Variants in HECW1 observed in about 807,000 individuals in gnomAD.
HECW1 encodes E3 ubiquitin-protein ligase HECW1.
In HECW1, 61 loss-of-function variants were observed where a neutral mutation model predicts 182.3. That is an observed-to-expected ratio of 0.33 (90% CI 0.27 to 0.41). HECW1 has a LOEUF of 0.41. Among genes scored for constraint, HECW1 ranks in the 10% least tolerant of loss-of-function variants. HECW1 has a pLI of 1.00. For missense variants in HECW1, 1,739 were observed against 2,108.9 expected (o/e 0.82, Z 3.44); for synonymous variants, 859 against 832.6 (o/e 1.03, Z -0.55).
In HECW1 at chr7:43,246,225, C is replaced by T. The variant is rs149168682; in HGVS notation, c.27+2293C>T. Among the ~76,000 whole-genome samples, 386 of 152,264 alleles carry T rather than the reference C, an allele frequency of 2.5e-3. 2 individuals carry two copies. Among genetic ancestry groups the T allele is most frequent in the African/African-American group, 9.0e-3 (374 of 41,544 alleles). ...GGCTGAACAGGGAGAATCGCTTGAG[C>T]CCAGGAGTTCCAGGCTACAGTGAGC... On this transcript the variant is annotated intron_variant, in intron 3 of 29. Coordinates refer to ENST00000395891, the MANE Select transcript of HECW1 (RefSeq NM_015052.5).
chr7:43,422,333 A>G (rs12666458), intron 8 of HECW1, among the ~76,000 whole-genome samples: 36,852 of 150,154 alleles, frequency 0.25, 5,221 homozygotes, highest in East Asian at 0.7. Flanking sequence ...TTTAGAGTAT[A>G]CTTCTCTTTT....
intron 19 of HECW1, among the ~76,000 whole-genome samples, chr7:43,499,821 A>T (rs986349789): frequency 6.6e-6 from 1 of 152,204 alleles, no homozygotes; most frequent in African/African-American, 2.4e-5. Flanking sequence ...GATCCAAAAA[A>T]ATCCTACTTA....
At chr7:43,120,162 G>T (rs1785441307) in intron 2 of HECW1, among the ~76,000 whole-genome samples, 1 of 152,064 alleles carries the variant, frequency 6.6e-6, no homozygotes, top group Admixed American at 6.5e-5. Flanking sequence ...TCCTTACTTT[G>T]CCTACAGGGC....
At chr7:43,353,448 T>C (rs1814706086) in intron 5 of HECW1, among the ~76,000 whole-genome samples, 1 of 152,098 alleles carries the variant, frequency 6.6e-6, no homozygotes, top group Admixed American at 6.6e-5. Flanking sequence ...AAGGGTAGTA[T>C]AGAGGCAAGA....
chr7:43,491,213 ATTAG>A (rs1563050309), intron 17 of HECW1, among the ~76,000 whole-genome samples: 2 of 152,226 alleles, frequency 1.3e-5, no homozygotes, highest in Non-Finnish European at 2.9e-5. Flanking sequence ...GCAGTCAAGT[ATTAG>A]AATCCTGGTT....
chr7:43,427,303 A>G (rs561442098), intron 8 of HECW1, among the ~76,000 whole-genome samples: 23 of 152,282 alleles, frequency 1.5e-4, no homozygotes, highest in African/African-American at 5.3e-4. Flanking sequence ...ACTGCATACT[A>G]TCTTGCAAAT....
intron 19 of HECW1, among the ~76,000 whole-genome samples, chr7:43,495,817 G>A (rs1392394314): frequency 6.6e-6 from 1 of 152,134 alleles, no homozygotes; most frequent in Non-Finnish European, 1.5e-5. Context: ...GAATTTTCAA[G>A]GGATTTCCAG....
At chr7:43,181,809 A>T (rs1438093787) in intron 2 of HECW1, among the ~76,000 whole-genome samples, 3 of 150,492 alleles carry the variant, frequency 2.0e-5, no homozygotes, top group Admixed American at 1.3e-4. Flanking sequence ...TTGTTTTGAG[A>T]TGGAGTCTCA....
intron 3 of HECW1, among the ~76,000 whole-genome samples, chr7:43,298,813 G>A (rs1203429842): frequency 6.6e-6 from 1 of 152,138 alleles, no homozygotes; most frequent in Non-Finnish European, 1.5e-5. Flanking sequence ...CTTACCACGA[G>A]GTGCAGGCTC....
At chr7:43,343,852 A>G (rs544865292) in intron 5 of HECW1, among the ~76,000 whole-genome samples, 1 of 151,768 alleles carries the variant, frequency 6.6e-6, no homozygotes, top group African/African-American at 2.4e-5. Flanking sequence ...ACAATGGTTG[A>G]ATTAGTTTAC....
chr7:43,542,093 A>C (rs2081382116), intron 26 of HECW1, 95 bp downstream of exon 26: 1 of 1,120,514 alleles, frequency 8.9e-7, no homozygotes, highest in Admixed American at 3.1e-5. Flanking sequence ...TTTTAAGTGT[A>C]GACTTCAGTG....
chr7:43,197,544 A>G (rs1794584284), intron 2 of HECW1, among the ~76,000 whole-genome samples: 1 of 152,142 alleles, frequency 6.6e-6, no homozygotes, highest in Non-Finnish European at 1.5e-5. Flanking sequence ...TGCCTCTGCT[A>G]AATAACCTTC....
chr7:43,145,600 A>G (rs990174851), intron 2 of HECW1, among the ~76,000 whole-genome samples: 1 of 152,168 alleles, frequency 6.6e-6, no homozygotes, highest in African/African-American at 2.4e-5. Flanking sequence ...TATCTTCATG[A>G]ACAGCTTCTG....
At chr7:43,129,944 A>T (rs912129723) in intron 2 of HECW1, among the ~76,000 whole-genome samples, 1 of 152,212 alleles carries the variant, frequency 6.6e-6, no homozygotes, top group Non-Finnish European at 1.5e-5. Flanking sequence ...ATGACAAGAA[A>T]AAGTCTGTAC....
chr7:43,192,206 G>T (rs573530989), intron 2 of HECW1, among the ~76,000 whole-genome samples: 2 of 152,218 alleles, frequency 1.3e-5, no homozygotes, highest in East Asian at 1.9e-4. Flanking sequence ...TGATCCACCC[G>T]CCTTGGCTTC....
intron 2 of HECW1, among the ~76,000 whole-genome samples, chr7:43,154,696 G>A (rs944449114): frequency 1.3e-5 from 2 of 152,146 alleles, no homozygotes; most frequent in African/African-American, 2.4e-5. Context: ...TCCAGCACAG[G>A]AAGCAGGAAT....
At chr7:43,117,949 C>T (rs1785204895) in intron 2 of HECW1, 1 of 152,512 alleles carries the variant, frequency 6.6e-6, no homozygotes, top group Non-Finnish European at 1.5e-5. Context: ...ATATGGAGGC[C>T]TGAAAAATAA....
In HECW1 at chr7:43,541,854, A is replaced by G; in HGVS notation, c.4119-15A>G. ...ATTTGTTTGGTAATTTGCCTTTCTC[A>G]CTGAATTCACCCAGGCCCTGTGATT... On this transcript the variant is annotated splice_polypyrimidine_tract_variant and intron_variant, in intron 25 of 29. Transcript: ENST00000395891. 1 of 1,450,734 alleles carries G rather than the reference A, an allele frequency of 6.9e-7. No homozygotes were observed. Among genetic ancestry groups the G allele is most frequent in the Non-Finnish European group, 9.1e-7 (1 of 1,098,098 alleles). 89.9% of individuals were successfully genotyped at this position (1,450,734 alleles called of 1,614,324 possible).
chr7:43,283,377 C>T (rs186334988), intron 3 of HECW1, among the ~76,000 whole-genome samples: 49 of 152,282 alleles, frequency 3.2e-4, no homozygotes, highest in South Asian at 1.7e-3. Context: ...CAGCTGTCTT[C>T]TGTTAAACCA....
Sources: gnomAD v4.1 joint callset for allele counts (sites outside exome capture counted in the v4.1 genomes callset) on GRCh38, gnomAD v4.1.1 for gene constraint, MANE v1.5 for transcripts, NCBI Gene and HGNC (gene_info 2026-07-23, HGNC 2026-07-21) for gene names.